Variants in SIK3 observed in about 807,000 individuals in gnomAD.
The protein encoded by SIK3 is serine/threonine-protein kinase SIK3.
In SIK3, 28 loss-of-function variants were observed where a neutral mutation model predicts 144.2. That is an observed-to-expected ratio of 0.19 (90% CI 0.14 to 0.27). The LOEUF (loss-of-function observed/expected upper bound fraction) is 0.27. Among genes scored for constraint, SIK3 ranks in the 10% least tolerant of loss-of-function variants. The probability of loss-of-function intolerance (pLI) is 1.00; values close to 1 mark genes in which losing one functional copy is unlikely to be tolerated. For synonymous variants in SIK3, 686 were observed against 676.3 expected (o/e 1.01, Z -0.22); for missense variants, 1,319 against 1,776.0 (o/e 0.74, Z 4.62).
intron 1 of SIK3, among the ~76,000 whole-genome samples, chr11:117,027,414 G>C (rs546217790): frequency 1.7e-4 from 25 of 146,462 alleles, no homozygotes; most frequent in Non-Finnish European, 2.9e-4. Flanking sequence ...CAACTTTCAG[G>C]GAAGGCTGTT....
chr11:116,945,175 G>A (rs11216195), intron 3 of SIK3, among the ~76,000 whole-genome samples: 11,029 of 151,900 alleles, frequency 0.073, 481 homozygotes, highest in Middle Eastern at 0.11. Flanking sequence ...TAGCCAGGAT[G>A]TTCTCAATCT....
In SIK3 at chr11:116,910,587, C is replaced by A. The variant is rs192812560; in HGVS notation, c.617-13270G>T. ...GAGCTCATATCGCTCTAAGGAACAC[C>A]GGAGTGCTGTACTGCTCCAGCTCAA... On this transcript the variant is annotated intron_variant, in intron 4 of 24. Coordinates refer to ENST00000445177, the MANE Select transcript of SIK3 (RefSeq NM_001366686.3). 3.3e-5 allele frequency among the ~76,000 whole-genome samples: 5 copies of A among 152,210 alleles called. No individual in the cohort carries two copies. In the East Asian group the frequency reaches 7.7e-4, roughly 24 times the overall value.
chr11:117,011,584 C>T (rs925913010), intron 1 of SIK3, among the ~76,000 whole-genome samples: 3 of 152,054 alleles, frequency 2.0e-5, no homozygotes, highest in Admixed American at 2.0e-4. Flanking sequence ...GAATTCAGTA[C>T]CATTTATCAG....
chr11:117,013,936 G>T (rs1426504966), intron 1 of SIK3, among the ~76,000 whole-genome samples: 1 of 89,728 alleles, frequency 1.1e-5, no homozygotes, highest in Non-Finnish European at 2.7e-5. Context: ...GTGTGTGTGT[G>T]TGTGTGTGTG....
chr11:116,907,954 T>C (rs1946131603), intron 4 of SIK3, among the ~76,000 whole-genome samples: 1 of 146,482 alleles, frequency 6.8e-6, no homozygotes, highest in Admixed American at 6.9e-5. Context: ...ATTATAGCCC[T>C]AATGTGAAAG....
chr11:117,033,734 G>A (rs1436044432), intron 1 of SIK3, among the ~76,000 whole-genome samples: 25 of 138,534 alleles, frequency 1.8e-4, no homozygotes, highest in Admixed American at 2.2e-4. Context: ...AGAAAGAAAA[G>A]AAAAGAAAAA....
chr11:116,907,111 C>T (rs572702628), intron 4 of SIK3, among the ~76,000 whole-genome samples: 6 of 152,228 alleles, frequency 3.9e-5, no homozygotes, highest in African/African-American at 1.4e-4. Flanking sequence ...TTGAGTGCTG[C>T]GCTACAGCAC....
rs151274116 is a variant in SIK3, at chr11:117,027,798, C to A, written c.273+70345G>T. 3.6e-3 allele frequency among the ~76,000 whole-genome samples: 547 copies of A among 152,194 alleles called. 10 individuals are homozygous for A. The Middle Eastern group carries it at 0.048, about 13-fold the overall frequency. On this transcript the variant is annotated intron_variant, in intron 1 of 24. Transcript: ENST00000445177. Reference sequence around the variant, plus strand: ...AGGCTGTTTTCTAAAACTGACTCCCCCTGACCCATCTTCAGCGTCTGAGCA... The same window carrying A: ...AGGCTGTTTTCTAAAACTGACTCCCACTGACCCATCTTCAGCGTCTGAGCA...
intron 1 of SIK3, among the ~76,000 whole-genome samples, chr11:117,013,471 T>C (rs1951355656): frequency 6.6e-6 from 1 of 152,134 alleles, no homozygotes; most frequent in Middle Eastern, 3.4e-3. Context: ...AGAGTGAAAC[T>C]CCATTTCAAA....
rs1943137652 is a variant in SIK3 at position 116,858,733 on chromosome 11, G to A, written c.2766-34C>T. 3 of 1,519,610 alleles carry A rather than the reference G, an allele frequency of 2.0e-6. No homozygotes were observed. Among genetic ancestry groups the A allele is most frequent in the Middle Eastern group, 1.8e-4 (1 of 5,622 alleles). 94.1% of individuals were successfully genotyped at this position (1,519,610 alleles called of 1,614,324 possible). On this transcript the variant is annotated intron_variant, in intron 20 of 24. Transcript: ENST00000445177. The surrounding 1 kb of genome is among the most constrained non-coding windows in gnomAD (Gnocchi z 5.4). ...ACAAAAGGGAGTACCAGACATCCAT[G>A]TAACAAGTACTAGACTTCCTGGGAA...
chr11:117,083,724 A>G (rs772224745), intron 1 of SIK3, among the ~76,000 whole-genome samples: 11 of 152,228 alleles, frequency 7.2e-5, no homozygotes, highest in Non-Finnish European at 1.3e-4. Context: ...TCCTAATAAG[A>G]AACACACAGC....
At chr11:116,874,257 G>A (rs1271406531) in intron 11 of SIK3, among the ~76,000 whole-genome samples, 3 of 152,162 alleles carry the variant, frequency 2.0e-5, no homozygotes, top group Non-Finnish European at 2.9e-5. Context: ...TATTTGGGAC[G>A]AAGGATTGCT....
At chr11:117,072,721 G>C (rs1954335568) in intron 1 of SIK3, among the ~76,000 whole-genome samples, 1 of 152,182 alleles carries the variant, frequency 6.6e-6, no homozygotes, top group African/African-American at 2.4e-5. Flanking sequence ...AGAGACAAGA[G>C]AATGTAACCC....
In SIK3 at chr11:116,885,034, A is replaced by G. The variant is rs116416480; in HGVS notation, c.866-7992T>C. ...TGATATTCCAACAGTAAGATATCAG[A>G]AAAGAAGGTGGAGAATTATCCATTT... On this transcript the variant is annotated intron_variant, in intron 6 of 24. Coordinates refer to ENST00000445177, the MANE Select transcript of SIK3 (RefSeq NM_001366686.3). Among the ~76,000 whole-genome samples, 347 of 152,362 alleles carry G rather than the reference A, an allele frequency of 2.3e-3. 3 individuals are homozygous for G. Among genetic ancestry groups the G allele is most frequent in the African/African-American group, 7.7e-3 (322 of 41,592 alleles).
At chr11:116,950,414 C>A (rs1166111041) in intron 3 of SIK3, among the ~76,000 whole-genome samples, 4 of 152,122 alleles carry the variant, frequency 2.6e-5, no homozygotes, top group Admixed American at 1.3e-4. Flanking sequence ...AGTTCCAAAG[C>A]GAAAACTAGG....
intron 1 of SIK3, among the ~76,000 whole-genome samples, chr11:117,092,514 T>C (rs369165946): frequency 1.3e-5 from 2 of 152,302 alleles, no homozygotes; most frequent in African/African-American, 4.8e-5. Context: ...TTCATTCCTA[T>C]ATGAAATTTT....
rs1353299329 is a variant in SIK3, at chr11:116,867,749, C to T, written c.1952+197G>A. The T allele has an allele frequency of 9.0e-6, 4 of 446,688 alleles. No homozygotes were observed. Among genetic ancestry groups the T allele is most frequent in the East Asian group, 6.9e-5 (2 of 28,888 alleles). 27.7% of individuals were successfully genotyped at this position (446,688 alleles called of 1,614,324 possible). ...GCAAGGTAATGGGAGAGAGGAATCT[C>T]GCATTGCTCCAGGGCGCAGTAAAAA... On this transcript the variant is annotated intron_variant, in intron 15 of 24. Coordinates refer to ENST00000445177, the MANE Select transcript of SIK3 (RefSeq NM_001366686.3). The surrounding 1 kb of genome is among the most constrained non-coding windows in gnomAD (Gnocchi z 4.1).
chr11:117,091,264 G>A (rs1161654618), intron 1 of SIK3, among the ~76,000 whole-genome samples: 2 of 146,642 alleles, frequency 1.4e-5, no homozygotes, highest in Non-Finnish European at 3.0e-5. Context: ...GAGTGCGACG[G>A]CACGATCTCG....
chr11:116,913,475 T>C (rs1485716613), intron 4 of SIK3, among the ~76,000 whole-genome samples: 1 of 152,134 alleles, frequency 6.6e-6, no homozygotes, highest in Non-Finnish European at 1.5e-5. Context: ...TTATTTTAGA[T>C]AGCAACATCC....
Sources: allele counts gnomAD v4.1 joint callset (sites outside exome capture counted in the v4.1 genomes callset), GRCh38; gene constraint gnomAD v4.1.1; non-coding constraint Gnocchi (gnomAD v3.1); transcripts MANE v1.5; gene names NCBI Gene and HGNC (gene_info 2026-07-23, HGNC 2026-07-21).